Variants in JAKMIP2 observed in about 807,000 individuals in gnomAD.
The protein encoded by JAKMIP2 is janus kinase and microtubule interacting protein 2, also known as janus kinase and microtubule-interacting protein 2.
A neutral mutation model predicts 115.0 loss-of-function variants in JAKMIP2; 25 were observed. The observed-to-expected ratio is 0.22, with a 90% CI of 0.16 to 0.30. JAKMIP2 has a LOEUF of 0.30. Among genes scored for constraint, JAKMIP2 ranks in the 10% least tolerant of loss-of-function variants. The probability of loss-of-function intolerance (pLI) is 1.00; values close to 1 mark genes in which losing one functional copy is unlikely to be tolerated. For missense variants in JAKMIP2, 642 were observed against 957.6 expected (o/e 0.67, Z 4.35); for synonymous variants, 334 against 343.6 (o/e 0.97, Z 0.31).
rs1399936590 is a variant in JAKMIP2, at chr5:147,782,626, A to G, written c.-319T>C. 2.8e-6 allele frequency: 2 copies of G among 712,072 alleles called. No homozygotes were observed. The highest frequency in any genetic ancestry group is 1.5e-5 in the South Asian group (1 of 66,874). 44.1% of individuals were successfully genotyped at this position (712,072 alleles called of 1,614,324 possible). A position where few individuals can be genotyped will look rare whatever the true frequency, so the allele number is the denominator to read the frequency against. The stretch of plus-strand genomic sequence containing the variant: ...TGGTGCGAATAGGAACCACCCTTCC[A>G]GCCCCACTAGAGTATCAGCAATAGA... On this transcript the variant is annotated 5_prime_UTR_variant, in exon 1 of 22. Transcript: ENST00000616793.
intron 20 of JAKMIP2, among the ~76,000 whole-genome samples, chr5:147,602,500 G>A (rs115203856): frequency 1.6e-4 from 24 of 152,260 alleles, no homozygotes; most frequent in African/African-American, 4.3e-4. Context: ...TAATAAATGC[G>A]TGATGTTGTT....
In JAKMIP2 at chr5:147,660,928, G is replaced by T. The variant is rs1048953537; in HGVS notation, c.627+20C>A. The T allele has an allele frequency of 1.9e-6, 3 of 1,611,880 alleles. No homozygotes were observed. Among genetic ancestry groups the T allele is most frequent in the Non-Finnish European group, 2.5e-6 (3 of 1,179,134 alleles). ...GAAGAGATGGGTTCTACATGGGTCT[G>T]ATGGGATTACTGTACTAACCAGCCT... On this transcript the variant is annotated intron_variant, in intron 3 of 21. Coordinates refer to ENST00000616793, the MANE Select transcript of JAKMIP2 (RefSeq NM_001270941.2).
chr5:147,771,475 A>G (rs565898496), intron 1 of JAKMIP2, among the ~76,000 whole-genome samples: 14 of 152,114 alleles, frequency 9.2e-5, no homozygotes, highest in South Asian at 4.1e-4. Context: ...CCTTAGATAT[A>G]TTTTAACCTG....
chr5:147,670,048 T>A (rs1238731434), intron 2 of JAKMIP2, among the ~76,000 whole-genome samples: 1 of 152,198 alleles, frequency 6.6e-6, no homozygotes, highest in East Asian at 1.9e-4. Flanking sequence ...AGACAAATAA[T>A]GCCCCGTGTC....
intron 3 of JAKMIP2, chr5:147,660,433 C>A (rs1201106895): frequency 2.2e-6 from 1 of 450,874 alleles, no homozygotes; most frequent in Non-Finnish European, 4.5e-6. Context: ...GGGATTTTAT[C>A]ATTTTGTATC....
intron 1 of JAKMIP2, among the ~76,000 whole-genome samples, chr5:147,767,060 T>A (rs181184438): frequency 1.4e-4 from 21 of 152,258 alleles, no homozygotes; most frequent in Non-Finnish European, 2.2e-4. Flanking sequence ...AAAACAGTAG[T>A]CAATTCCTTT....
chr5:147,606,089 T>C (rs1391212140), intron 20 of JAKMIP2, among the ~76,000 whole-genome samples: 2 of 152,154 alleles, frequency 1.3e-5, no homozygotes, highest in African/African-American at 2.4e-5. Flanking sequence ...ACAGCCCTTT[T>C]TCAGATGGAT....
rs535032699 is a variant in JAKMIP2 at position 147,661,375 on chromosome 5, G to A, written c.200C>T (p.Thr67Met). 1.5e-5 allele frequency: 24 copies of A among 1,613,956 alleles called. No homozygotes were observed. The East Asian group carries it at 4.7e-4, about 31-fold the overall frequency. Residue 67 changes from threonine (T) to methionine (M), a missense_variant, in exon 3 of 22, where the codon ACG (threonine) becomes ATG (methionine). Transcript: ENST00000616793. ...GGCTTTGAGTTCTGTCACCAGCACC[G>A]TGTGCTTGCGCTGCTCCAGCTCACG... is the stretch of plus-strand genomic sequence containing the variant. ...RIRELEQRKH[T>M]VLVTELKAKL...
intron 1 of JAKMIP2, among the ~76,000 whole-genome samples, chr5:147,721,897 C>A (rs1278171277): frequency 2.0e-5 from 3 of 152,130 alleles, no homozygotes; most frequent in African/African-American, 4.8e-5. Context: ...ATATTTCTTT[C>A]ATACTAAAGT....
At chr5:147,743,526 C>T (rs1267081122) in intron 1 of JAKMIP2, among the ~76,000 whole-genome samples, 1 of 152,196 alleles carries the variant, frequency 6.6e-6, no homozygotes, top group Non-Finnish European at 1.5e-5. Context: ...GTTTGACACA[C>T]AGAAACCTGG....
intron 1 of JAKMIP2, among the ~76,000 whole-genome samples, chr5:147,744,021 TC>T (rs1261189294): frequency 6.9e-4 from 98 of 141,460 alleles, no homozygotes; most frequent in African/African-American, 2.7e-3. Context: ...CTTCCTTCCT[TC>T]CTTCCTTCCT....
intron 10 of JAKMIP2, among the ~76,000 whole-genome samples, chr5:147,637,602 G>A (rs1277279174): frequency 1.3e-5 from 2 of 151,852 alleles, no homozygotes; most frequent in Admixed American, 6.6e-5. Context: ...ACCACGCCCA[G>A]CTAATTTTTG....
intron 1 of JAKMIP2, among the ~76,000 whole-genome samples, chr5:147,763,195 G>A: frequency 6.6e-6 from 1 of 152,234 alleles, no homozygotes; most frequent in East Asian, 1.9e-4. Context: ...TTGGTAAGGG[G>A]TGAAGAGTTA....
intron 18 of JAKMIP2, among the ~76,000 whole-genome samples, chr5:147,620,115 G>A (rs1433743852): frequency 6.6e-6 from 1 of 151,882 alleles, no homozygotes; most frequent in Non-Finnish European, 1.5e-5. Context: ...TTTGTTTTGA[G>A]ACAGGATCTT....
chr5:147,664,901 A>G (rs1759217708), intron 2 of JAKMIP2, among the ~76,000 whole-genome samples: 1 of 152,074 alleles, frequency 6.6e-6, no homozygotes, highest in Admixed American at 6.5e-5. Flanking sequence ...CAAGAATAAT[A>G]TTTTCTGTCA....
chr5:147,748,009 A>G (rs1033287713), intron 1 of JAKMIP2, among the ~76,000 whole-genome samples: 1 of 152,184 alleles, frequency 6.6e-6, no homozygotes, highest in Non-Finnish European at 1.5e-5. Flanking sequence ...ATTGATAACA[A>G]TAATTGGGAA....
rs370400241 is a variant in JAKMIP2 at position 147,764,489 on chromosome 5, C to T, written c.-149+17967G>A. On this transcript the variant is annotated intron_variant, in intron 1 of 21. Transcript: ENST00000616793. Reference sequence around the variant, plus strand: ...GTGCAAAGAGGATATTGAAAATGGGCGGGGTGGGGTGGGATGCTGGAGCAA... The same window carrying T: ...GTGCAAAGAGGATATTGAAAATGGGTGGGGTGGGGTGGGATGCTGGAGCAA... 7.7e-3 allele frequency among the ~76,000 whole-genome samples: 279 copies of T among 36,244 alleles called. 4 individuals carry two copies. Among genetic ancestry groups the T allele is most frequent in the African/African-American group, 0.029 (262 of 9,160 alleles). The allele number at this position is 36,244 out of a possible 152,430, so 23.8% of individuals were successfully genotyped here.
chr5:147,727,482 C>CCTTCTT (rs1753564726), intron 1 of JAKMIP2, among the ~76,000 whole-genome samples: 3 of 152,146 alleles, frequency 2.0e-5, no homozygotes, highest in African/African-American at 7.2e-5. Flanking sequence ...AAGCAAGGAA[C>CCTTCTT]CTTCTTCACA....
At chr5:147,593,156 C>T (rs375999017) in intron 21 of JAKMIP2, among the ~76,000 whole-genome samples, 11 of 152,328 alleles carry the variant, frequency 7.2e-5, no homozygotes, top group African/African-American at 9.6e-5. Flanking sequence ...GGCGCTACAG[C>T]GTAGTTGTCT....
Sources: gnomAD v4.1 joint callset for allele counts (sites outside exome capture counted in the v4.1 genomes callset) on GRCh38, gnomAD v4.1.1 for gene constraint, MANE v1.5 for transcripts, NCBI Gene and HGNC (gene_info 2026-07-23, HGNC 2026-07-21) for gene names.